Variants in PDE1C observed in about 807,000 individuals in gnomAD.
PDE1C encodes the protein phosphodiesterase 1C.
Under a neutral mutation model 93.1 loss-of-function variants are expected in PDE1C, and 62 were observed. That is an observed-to-expected ratio of 0.67 (90% CI 0.54 to 0.82). The LOEUF is 0.82. Ranked by LOEUF, PDE1C falls within the 40% of genes least tolerant of loss-of-function variation. PDE1C has a pLI of 0.00. For missense variants in PDE1C, 742 were observed against 884.6 expected (o/e 0.84, Z 2.04); for synonymous variants, 325 against 310.1 (o/e 1.05, Z -0.50).
the PDE1C span, chr7:31,643,907 C>T: frequency 7.4e-6 from 12 of 1,613,742 alleles, no homozygotes; most frequent in African/African-American, 1.3e-5. Flanking sequence ...CAGTTCATGA[C>T]GACTTTGAAA....
At chr7:31,683,755 CA>C in the PDE1C span, among the ~76,000 whole-genome samples, 1 of 152,140 alleles carries the variant, frequency 6.6e-6, no homozygotes, top group Non-Finnish European at 1.5e-5. Flanking sequence ...CTATGAAAGG[CA>C]AATCTTTTAA....
chr7:32,341,617 G>A (rs994891318), intron 1 of PDE1C, among the ~76,000 whole-genome samples: 8 of 152,184 alleles, frequency 5.3e-5, no homozygotes, highest in African/African-American at 1.9e-4. Context: ...GAACTCGGGA[G>A]TGGGCATAGT....
At chr7:32,380,569 A>T (rs1215676034) in intron 1 of PDE1C, among the ~76,000 whole-genome samples, 1 of 151,676 alleles carries the variant, frequency 6.6e-6, no homozygotes, top group Admixed American at 6.6e-5. Flanking sequence ...GAACCTGCCC[A>T]ATTGAGCTTC....
chr7:31,988,452 T>C (rs992291060), intron 2 of PDE1C, among the ~76,000 whole-genome samples: 4 of 152,246 alleles, frequency 2.6e-5, no homozygotes, highest in African/African-American at 9.6e-5. Context: ...CTATTCCACC[T>C]TTACCTGTTG....
chr7:32,401,636 C>T (rs931198732), intron 1 of PDE1C, among the ~76,000 whole-genome samples: 3 of 152,072 alleles, frequency 2.0e-5, no homozygotes, highest in East Asian at 3.8e-4. Flanking sequence ...GTGGTCCCAC[C>T]GCAGCTTGCC....
At chr7:31,650,625 C>T in the PDE1C span, among the ~76,000 whole-genome samples, 1 of 152,162 alleles carries the variant, frequency 6.6e-6, no homozygotes, top group African/African-American at 2.4e-5. Context: ...GCTGATCCTG[C>T]AGATTCCAAC....
intron 1 of PDE1C, among the ~76,000 whole-genome samples, chr7:32,348,923 C>T (rs1783905285): frequency 6.6e-6 from 1 of 152,198 alleles, no homozygotes; most frequent in East Asian, 1.9e-4. Flanking sequence ...ACTGCTTAAA[C>T]TTATAACAAG....
chr7:32,177,881 G>C (rs1803119981), intron 2 of PDE1C, among the ~76,000 whole-genome samples: 2 of 152,196 alleles, frequency 1.3e-5, no homozygotes, highest in Admixed American at 1.3e-4. Context: ...TACCAAGACA[G>C]GGTACCTGGG....
chr7:32,420,124 T>TACATATATATATATACACAC (rs1554320659), intron 1 of PDE1C, among the ~76,000 whole-genome samples: 1 of 13,096 alleles, frequency 7.6e-5, no homozygotes, highest in Non-Finnish European at 1.4e-4. Flanking sequence ...TATATATATA[T>TACATATATATATATACACAC]ACACACACAC....
intron 16 of PDE1C, among the ~76,000 whole-genome samples, chr7:31,781,232 C>T (rs2128638236): frequency 6.6e-6 from 1 of 152,290 alleles, no homozygotes; most frequent in East Asian, 1.9e-4. Flanking sequence ...AATTTCCCTT[C>T]TGCAAAATGG....
intron 3 of PDE1C, among the ~76,000 whole-genome samples, chr7:32,083,895 T>A (rs1047554117): frequency 6.6e-6 from 1 of 151,300 alleles, no homozygotes; most frequent in African/African-American, 2.4e-5. Context: ...TGCTGCAAAA[T>A]CATGCCAAAA....
chr7:32,271,938 G>A (rs1309096215), intron 1 of PDE1C, among the ~76,000 whole-genome samples: 1 of 152,168 alleles, frequency 6.6e-6, no homozygotes, highest in Non-Finnish European at 1.5e-5. Context: ...CTCCTGGGGT[G>A]TTGCAACCCG....
chr7:31,789,243 T>G (rs1219928062), intron 16 of PDE1C: 1 of 152,194 alleles, frequency 6.6e-6, no homozygotes, highest in Non-Finnish European at 1.5e-5. Flanking sequence ...GGGGCTGCAA[T>G]GTTATTCTCT....
intron 1 of PDE1C, among the ~76,000 whole-genome samples, chr7:32,296,788 A>G (rs79040462): frequency 0.04 from 6,081 of 152,322 alleles, 175 homozygotes; most frequent in South Asian, 0.075. Flanking sequence ...ACAATGATCT[A>G]TTAATGAAAT....
At chr7:32,070,642 G>T (rs1795941276), upstream of PDE1C, 5 of 1,387,318 alleles carry the variant, frequency 3.6e-6, no homozygotes, top group South Asian at 4.5e-5. Flanking sequence ...TAATGCCCAG[G>T]GATAAGCACA....
chr7:31,631,408 G>A, the PDE1C span, among the ~76,000 whole-genome samples: 36 of 152,186 alleles, frequency 2.4e-4, no homozygotes, highest in African/African-American at 8.4e-4. Flanking sequence ...ATATAAATGT[G>A]CACAAACAAA....
intron 14 of PDE1C, 126 bp downstream of exon 14, chr7:31,822,947 G>A (rs1789159995): frequency 1.3e-6 from 1 of 755,884 alleles, no homozygotes; most frequent in Non-Finnish European, 2.2e-6. Flanking sequence ...AAAGATGGTA[G>A]ATTCTAATAT....
intron 17 of PDE1C, among the ~76,000 whole-genome samples, chr7:31,771,156 A>G (rs1351949344): frequency 4.6e-5 from 7 of 152,194 alleles, no homozygotes; most frequent in East Asian, 1.9e-4. Flanking sequence ...ACCAAAAATC[A>G]ACTTCTTCTA....
the PDE1C span, chr7:31,652,648 T>A: frequency 1.2e-6 from 2 of 1,613,868 alleles, 1 homozygote; most frequent in Non-Finnish European, 1.7e-6. Context: ...AGGACTGTGT[T>A]TCCTCCCGAT....
Sources: gnomAD v4.1 joint callset for allele counts (sites outside exome capture counted in the v4.1 genomes callset) on GRCh38, gnomAD v4.1.1 for gene constraint, MANE v1.5 for transcripts, NCBI Gene and HGNC (gene_info 2026-07-23, HGNC 2026-07-21) for gene names.